The following HECW2 variants were observed in gnomAD, a reference collection of about 807,000 sequenced individuals.
HECW2 encodes HECT, C2 and WW domain containing E3 ubiquitin protein ligase 2.
Under a neutral mutation model 175.2 loss-of-function variants are expected in HECW2, and 61 were observed. That is an observed-to-expected ratio of 0.35 (90% CI 0.28 to 0.43). HECW2 has a LOEUF of 0.43. Ranked by LOEUF, HECW2 falls within the 20% of genes least tolerant of loss-of-function variation. The pLI is 1.00. For synonymous variants in HECW2, 671 were observed against 731.0 expected (o/e 0.92, Z 1.32); for missense variants, 1,524 against 2,000.5 (o/e 0.76, Z 4.54).
chr2:196,311,957 C>T lies in HECW2; in HGVS notation c.2435-3872G>A, dbSNP rs553203989. Among the ~76,000 whole-genome samples the T allele has an allele frequency of 3.9e-5, 6 of 152,216 alleles. No homozygotes were observed. The East Asian group carries it at 9.6e-4, about 24-fold the overall frequency. The stretch of plus-strand genomic sequence containing the variant: ...AATTAGAAAGTGGGTAAAACTACTC[C>T]AAGGTTACTGTCACAGCACTGGTCT... On this transcript the variant is annotated intron_variant, in intron 10 of 28. Coordinates refer to ENST00000644978, the MANE Select transcript of HECW2 (RefSeq NM_001348768.2).
chr2:196,208,681 A>T (rs1233011540), intron 28 of HECW2, among the ~76,000 whole-genome samples: 1 of 152,224 alleles, frequency 6.6e-6, no homozygotes, highest in African/African-American at 2.4e-5. Context: ...GGACCAGCAG[A>T]TAAGTGTTAT....
chr2:196,504,282 T>G (rs533393959), intron 1 of HECW2, among the ~76,000 whole-genome samples: 3 of 113,832 alleles, frequency 2.6e-5, no homozygotes, highest in East Asian at 2.4e-4. Flanking sequence ...GGGATAAGAG[T>G]GAAACTCTGT....
intron 14 of HECW2, among the ~76,000 whole-genome samples, chr2:196,286,244 G>T (rs946228477): frequency 6.6e-6 from 1 of 152,098 alleles, no homozygotes; most frequent in Non-Finnish European, 1.5e-5. Flanking sequence ...ACAGAGAGCT[G>T]ATTGTTCAAC....
At chr2:196,436,651 C>T (rs1695884588) in intron 1 of HECW2, among the ~76,000 whole-genome samples, 1 of 152,044 alleles carries the variant, frequency 6.6e-6, no homozygotes, top group Non-Finnish European at 1.5e-5. Context: ...ATGTGTGAAT[C>T]TGCTAGCTTA....
chr2:196,387,549 A>C (rs1199426023), intron 2 of HECW2, among the ~76,000 whole-genome samples: 1 of 152,178 alleles, frequency 6.6e-6, no homozygotes, highest in African/African-American at 2.4e-5. Context: ...TGTTGCTTAT[A>C]AATTACCTAG....
At chr2:196,457,334 C>T (rs6712713) in intron 1 of HECW2, among the ~76,000 whole-genome samples, 32,912 of 152,018 alleles carry the variant, frequency 0.22, 4,060 homozygotes, top group African/African-American at 0.34. Flanking sequence ...TCATTCTGGA[C>T]GACTTTTTCC....
chr2:196,356,629 T>C (rs1310657697), intron 2 of HECW2, among the ~76,000 whole-genome samples: 1 of 152,092 alleles, frequency 6.6e-6, no homozygotes, highest in Non-Finnish European at 1.5e-5. Flanking sequence ...TCTTGCATCA[T>C]CACAAAAAGA....
intron 2 of HECW2, among the ~76,000 whole-genome samples, chr2:196,390,954 T>C (rs1428908497): frequency 6.6e-6 from 1 of 152,136 alleles, no homozygotes; most frequent in Admixed American, 6.5e-5. Flanking sequence ...TCATTGGCAT[T>C]GGCTGGTTAT....
At chr2:196,364,957 G>T (rs1034191545) in intron 2 of HECW2, among the ~76,000 whole-genome samples, 1 of 152,012 alleles carries the variant, frequency 6.6e-6, no homozygotes, top group African/African-American at 2.4e-5. Context: ...TGATGTAAAG[G>T]GATAGAAAGG....
chr2:196,214,129 A>G (rs1687386383), intron 28 of HECW2, among the ~76,000 whole-genome samples: 1 of 152,206 alleles, frequency 6.6e-6, no homozygotes, highest in Non-Finnish European at 1.5e-5. Flanking sequence ...ATGATTTCAC[A>G]TCATCCTCAG....
intron 19 of HECW2, among the ~76,000 whole-genome samples, chr2:196,248,619 C>G (rs1053274190): frequency 1.4e-5 from 2 of 143,378 alleles, no homozygotes; most frequent in African/African-American, 3.0e-5. Context: ...CACACACACA[C>G]ACACACACAC....
At chr2:196,450,548 ATGGCATAATCT>A (rs1017232388) in intron 1 of HECW2, among the ~76,000 whole-genome samples, 3 of 150,558 alleles carry the variant, frequency 2.0e-5, no homozygotes, top group African/African-American at 7.4e-5. Context: ...CTGGAGTACA[ATGGCATAATCT>A]TGGCTCACTG....
chr2:196,521,282 C>CAAAAAAAAAAAAAAA (rs1158051512), intron 1 of HECW2, among the ~76,000 whole-genome samples: 6 of 53,690 alleles, frequency 1.1e-4, no homozygotes, highest in Non-Finnish European at 2.0e-4. Context: ...ACGTGAGTAA[C>CAAAAAAAAAAAAAAA]AAAAAAAAAA....
chr2:196,504,901 G>C (rs183999279), intron 1 of HECW2, among the ~76,000 whole-genome samples: 1 of 151,706 alleles, frequency 6.6e-6, no homozygotes, highest in Non-Finnish European at 1.5e-5. Context: ...AAAAAAATGA[G>C]TGCAGAGAGA....
intron 28 of HECW2, 35 bp downstream of exon 28, chr2:196,215,827 ATGT>A: frequency 7.2e-7 from 1 of 1,383,938 alleles, no homozygotes. Context: ...TCTCCACCAA[ATGT>A]TGTGACAGTA....
intron 2 of HECW2, among the ~76,000 whole-genome samples, chr2:196,376,010 C>T (rs935067105): frequency 2.6e-5 from 4 of 152,230 alleles, no homozygotes; most frequent in South Asian, 2.1e-4. Flanking sequence ...TATCAGTCTA[C>T]GTTCCTTCAG....
chr2:196,561,075 A>C (rs1021252160), intron 1 of HECW2, among the ~76,000 whole-genome samples: 1 of 152,236 alleles, frequency 6.6e-6, no homozygotes, highest in African/African-American at 2.4e-5. Flanking sequence ...GGCAGGACAG[A>C]GCCACATTTC....
In HECW2 at chr2:196,315,796, A is replaced by G. The variant is rs372164107; in HGVS notation, c.2434+1478T>C. Reference sequence around the variant, plus strand: ...GTATCTGTCTTTATTAAATACAATCAGGAGACCAAACTTGTATACAGCAAA... The same window carrying G: ...GTATCTGTCTTTATTAAATACAATCGGGAGACCAAACTTGTATACAGCAAA... On this transcript the variant is annotated intron_variant, in intron 10 of 28. Coordinates refer to ENST00000644978, the MANE Select transcript of HECW2 (RefSeq NM_001348768.2). 10 of 152,350 alleles carry G rather than the reference A, an allele frequency of 6.6e-5. No homozygotes were observed. The East Asian group carries it at 1.7e-3, about 26-fold the overall frequency. The allele number at this position is 152,350 out of a possible 1,614,324, so 9.4% of individuals were successfully genotyped here.
chr2:196,312,214 A>G (rs1019297819), intron 10 of HECW2, among the ~76,000 whole-genome samples: 1 of 151,702 alleles, frequency 6.6e-6, no homozygotes, highest in Non-Finnish European at 1.5e-5. Context: ...GTTAACAACT[A>G]AACAGCATGA....
Sources: gnomAD v4.1 joint callset for allele counts (sites outside exome capture counted in the v4.1 genomes callset) on GRCh38, gnomAD v4.1.1 for gene constraint, MANE v1.5 for transcripts, NCBI Gene and HGNC (gene_info 2026-07-23, HGNC 2026-07-21) for gene names.